Variants in ITGA9 observed in about 807,000 individuals in gnomAD.
The protein encoded by ITGA9 is integrin subunit alpha 9.
In ITGA9, 56 loss-of-function variants were observed where a neutral mutation model predicts 127.8. The ratio of observed to expected loss-of-function variants is 0.44; its 90% CI spans 0.35 to 0.55. The LOEUF (loss-of-function observed/expected upper bound fraction) is 0.55. Ranked by LOEUF, ITGA9 falls within the 20% of genes least tolerant of loss-of-function variation. The pLI is 0.00. For synonymous variants in ITGA9, 508 were observed against 514.5 expected (o/e 0.99, Z 0.17); for missense variants, 1,196 against 1,347.1 (o/e 0.89, Z 1.76).
At chr3:37,658,384 A>G (rs1011602141) in intron 17 of ITGA9, among the ~76,000 whole-genome samples, 2 of 152,176 alleles carry the variant, frequency 1.3e-5, no homozygotes, top group Non-Finnish European at 2.9e-5. Flanking sequence ...TTGGGTGCAT[A>G]TATATTGATG....
At chr3:37,562,106 G>A (rs1481316492) in intron 15 of ITGA9, among the ~76,000 whole-genome samples, 1 of 152,198 alleles carries the variant, frequency 6.6e-6, no homozygotes, top group Non-Finnish European at 1.5e-5. Context: ...TGGGGCACTC[G>A]GGGCCGTGAC....
chr3:37,579,424 A>G (rs1699682311), intron 15 of ITGA9, among the ~76,000 whole-genome samples: 2 of 152,202 alleles, frequency 1.3e-5, no homozygotes, highest in African/African-American at 2.4e-5. Context: ...CAGATAGGAA[A>G]AAGAAGGAAG....
chr3:37,670,414 T>A (rs996144070), intron 17 of ITGA9, among the ~76,000 whole-genome samples: 6 of 152,172 alleles, frequency 3.9e-5, no homozygotes, highest in African/African-American at 1.4e-4. Context: ...AGGACAGGTG[T>A]TCTTAACCTG....
intron 17 of ITGA9, among the ~76,000 whole-genome samples, chr3:37,678,819 A>G (rs1559565379): frequency 6.6e-6 from 1 of 152,252 alleles, no homozygotes; most frequent in Non-Finnish European, 1.5e-5. Context: ...TTACCCAACA[A>G]GGAACTTTGA....
At chr3:37,574,770 G>A (rs1329983359) in intron 15 of ITGA9, among the ~76,000 whole-genome samples, 1 of 152,128 alleles carries the variant, frequency 6.6e-6, no homozygotes, top group South Asian at 2.1e-4. Context: ...GCAGAAGGGG[G>A]GTTTCTTTGG....
intron 17 of ITGA9, among the ~76,000 whole-genome samples, chr3:37,672,299 T>C (rs1211931121): frequency 2.0e-5 from 3 of 152,054 alleles, no homozygotes; most frequent in African/African-American, 4.8e-5. Context: ...AAATAAATCA[T>C]GGGGGCGGGT....
At chr3:37,631,828 G>C (rs552069448) in intron 16 of ITGA9, among the ~76,000 whole-genome samples, 1 of 152,284 alleles carries the variant, frequency 6.6e-6, no homozygotes, top group African/African-American at 2.4e-5. Flanking sequence ...TTTCACCATT[G>C]TCCCCACCCC....
chr3:37,592,581 C>T (rs575139243), intron 15 of ITGA9, among the ~76,000 whole-genome samples: 1 of 152,246 alleles, frequency 6.6e-6, no homozygotes, highest in East Asian at 1.9e-4. Flanking sequence ...GGCTGGGCAC[C>T]ACCTTGGGAA....
intron 26 of ITGA9, among the ~76,000 whole-genome samples, chr3:37,802,592 T>C (rs1023082510): frequency 1.3e-5 from 2 of 152,142 alleles, no homozygotes; most frequent in Non-Finnish European, 2.9e-5. Flanking sequence ...CAGTGGTGTA[T>C]TGGGGAGAGT....
In ITGA9 at chr3:37,553,142, T is replaced by A. The variant is rs567628229; in HGVS notation, c.1689+10557T>A. ...AAATGTCATTTGCTTTGTAATTTTC[T>A]ATCTATTCGTACTTCTTACCTGTTT... On this transcript the variant is annotated intron_variant, in intron 15 of 27. Transcript: ENST00000264741. Among the ~76,000 whole-genome samples the A allele has an allele frequency of 3.3e-5, 5 of 152,352 alleles. No individual in the cohort carries two copies. In the South Asian group the frequency reaches 1.0e-3, roughly 32 times the overall value.
At chr3:37,646,032 C>G (rs995904490) in intron 16 of ITGA9, among the ~76,000 whole-genome samples, 3 of 152,210 alleles carry the variant, frequency 2.0e-5, no homozygotes, top group Non-Finnish European at 4.4e-5. Flanking sequence ...AGCGTCCTTA[C>G]TCTGACTCAG....
At chr3:37,743,609 G>A (rs1257252664) in intron 21 of ITGA9, among the ~76,000 whole-genome samples, 2 of 152,046 alleles carry the variant, frequency 1.3e-5, no homozygotes, top group African/African-American at 2.4e-5. Flanking sequence ...AACATTTTTC[G>A]AATGACAAAA....
At chr3:37,473,193 A>G (rs1216941932) in intron 2 of ITGA9, among the ~76,000 whole-genome samples, 161 bp from the exon 3 acceptor site, 1 of 152,132 alleles carries the variant, frequency 6.6e-6, no homozygotes, top group Admixed American at 6.5e-5. Flanking sequence ...TATGTAAAAA[A>G]ACAGTTGTCT....
chr3:37,464,303 G>C (rs1698348134), intron 1 of ITGA9, among the ~76,000 whole-genome samples: 1 of 143,758 alleles, frequency 7.0e-6, no homozygotes, highest in Admixed American at 7.0e-5. Context: ...AAACATAAGT[G>C]ACTCCATTTT....
chr3:37,711,749 A>G (rs1175093723), intron 18 of ITGA9, among the ~76,000 whole-genome samples: 1 of 152,196 alleles, frequency 6.6e-6, no homozygotes, highest in Non-Finnish European at 1.5e-5. Context: ...ATTTGTGAAC[A>G]TATTTTAAAA....
chr3:37,755,269 C>T (rs1421311864), intron 23 of ITGA9, among the ~76,000 whole-genome samples: 9 of 152,150 alleles, frequency 5.9e-5, no homozygotes, highest in East Asian at 1.9e-4. Context: ...CCAAAGTTCA[C>T]GTGGTTCCCA....
rs148899012 is a variant in ITGA9, at chr3:37,569,603, T to C, written c.1689+27018T>C. 3.2e-4 allele frequency among the ~76,000 whole-genome samples: 48 copies of C among 152,334 alleles called. No homozygotes were observed. In the East Asian group the frequency reaches 8.9e-3, roughly 28 times the overall value. On this transcript the variant is annotated intron_variant, in intron 15 of 27. Transcript: ENST00000264741. ...CTAGCTTACTTTGCTGTTGACAGAA[T>C]GTTGGTACAGATTGAGCATCCTTAA... is the stretch of plus-strand genomic sequence containing the variant.
intron 17 of ITGA9, among the ~76,000 whole-genome samples, chr3:37,682,751 T>C (rs1700746004): frequency 6.6e-6 from 1 of 152,196 alleles, no homozygotes; most frequent in Non-Finnish European, 1.5e-5. Flanking sequence ...CCAAAATCCT[T>C]GAAGCAGTCC....
At chr3:37,503,875 A>T (rs183681778) in intron 6 of ITGA9, among the ~76,000 whole-genome samples, 1 of 152,256 alleles carries the variant, frequency 6.6e-6, no homozygotes, top group Non-Finnish European at 1.5e-5. Context: ...GGTCCATGCC[A>T]ATTTAAGAAC....
Sources: allele counts gnomAD v4.1 joint callset (sites outside exome capture counted in the v4.1 genomes callset), GRCh38; gene constraint gnomAD v4.1.1; transcripts MANE v1.5; gene names NCBI Gene and HGNC (gene_info 2026-07-23, HGNC 2026-07-21).